Variants in MACROD2 observed in about 807,000 individuals in gnomAD.
MACROD2 encodes ADP-ribose glycohydrolase MACROD2.
MACROD2 carries 36 observed loss-of-function variants against 70.4 expected under a neutral mutation model. The ratio of observed to expected loss-of-function variants is 0.51; its 90% CI spans 0.39 to 0.68. The LOEUF (loss-of-function observed/expected upper bound fraction) is 0.68. Ranked by LOEUF, MACROD2 falls within the 30% of genes least tolerant of loss-of-function variation. The pLI is 0.00. For synonymous variants in MACROD2, 172 were observed against 178.8 expected (o/e 0.96, Z 0.30); for missense variants, 496 against 538.4 (o/e 0.92, Z 0.78).
intron 5 of MACROD2, among the ~76,000 whole-genome samples, chr20:14,830,981 A>T (rs936025065): frequency 6.6e-6 from 1 of 152,116 alleles, no homozygotes; most frequent in Non-Finnish European, 1.5e-5. Flanking sequence ...TTTTCTCTTT[A>T]TGCACGGTGA....
chr20:15,320,814 T>C (rs1170891954), intron 6 of MACROD2, among the ~76,000 whole-genome samples: 1 of 152,080 alleles, frequency 6.6e-6, no homozygotes, highest in Non-Finnish European at 1.5e-5. Flanking sequence ...TGGAAAGTTG[T>C]TATGAGATGG....
intron 5 of MACROD2, among the ~76,000 whole-genome samples, chr20:14,963,699 C>T (rs921787790): frequency 1.3e-5 from 2 of 152,210 alleles, no homozygotes; most frequent in African/African-American, 4.8e-5. Context: ...GATCCTCTTC[C>T]TGCTGAACTA....
chr20:15,510,881 C>T (rs569227005), intron 8 of MACROD2, among the ~76,000 whole-genome samples: 2 of 152,320 alleles, frequency 1.3e-5, no homozygotes, highest in African/African-American at 4.8e-5. Flanking sequence ...CCTTCGAAGT[C>T]CATGACAGAA....
chr20:14,036,252 T>C (rs1173721142), intron 2 of MACROD2, among the ~76,000 whole-genome samples: 2 of 152,222 alleles, frequency 1.3e-5, no homozygotes, highest in Non-Finnish European at 2.9e-5. Context: ...TCTTCCCAAG[T>C]GAGATTTACT....
At chr20:15,704,974 C>T (rs1217681481) in intron 8 of MACROD2, among the ~76,000 whole-genome samples, 24 of 152,114 alleles carry the variant, frequency 1.6e-4, no homozygotes, top group Admixed American at 1.6e-3. Context: ...AATATAGTTC[C>T]CTTTCTGGAG....
intron 5 of MACROD2, among the ~76,000 whole-genome samples, chr20:14,972,659 T>C (rs1179011176): frequency 6.6e-6 from 1 of 152,178 alleles, no homozygotes; most frequent in Non-Finnish European, 1.5e-5. Flanking sequence ...TTAAGAATAT[T>C]TTGTTGAAAT....
chr20:14,870,741 C>G (rs1364052873), intron 5 of MACROD2, among the ~76,000 whole-genome samples: 1 of 151,908 alleles, frequency 6.6e-6, no homozygotes, highest in South Asian at 2.1e-4. Context: ...CATGTGTATG[C>G]TTTCTTTTGA....
intron 5 of MACROD2, among the ~76,000 whole-genome samples, chr20:14,777,301 C>A (rs1190996374): frequency 2.6e-5 from 4 of 151,980 alleles, no homozygotes; most frequent in Non-Finnish European, 5.9e-5. Flanking sequence ...AGGAATCATT[C>A]TTCCTGCATC....
chr20:15,750,308 ACT>A (rs1036693694), intron 8 of MACROD2, among the ~76,000 whole-genome samples: 4 of 151,898 alleles, frequency 2.6e-5, no homozygotes, highest in African/African-American at 9.7e-5. Context: ...ATACCACCTC[ACT>A]CCAGTGAGAA....
At position 15,091,127 on chromosome 20, in the gene MACROD2, A is replaced by C. The variant is rs532663435; in HGVS notation, c.419-138813A>C. The stretch of plus-strand genomic sequence containing the variant: ...GATCCTAGCAATCCGAATTGCAATT[A>C]ATCTGCAGTTATCTACAGTACTAAC... On this transcript the variant is annotated intron_variant, in intron 5 of 17. Transcript: ENST00000684519. 2.0e-5 allele frequency among the ~76,000 whole-genome samples: 3 copies of C among 152,168 alleles called. No individual in the cohort carries two copies. The South Asian group carries it at 6.2e-4, about 32-fold the overall frequency.
intron 3 of MACROD2, among the ~76,000 whole-genome samples, chr20:14,468,962 T>C (rs1374703728): frequency 6.6e-6 from 1 of 152,164 alleles, no homozygotes; most frequent in Non-Finnish European, 1.5e-5. Flanking sequence ...TATGTGTGAA[T>C]TTGATCCTGG....
chr20:15,649,737 C>A (rs775728762), intron 8 of MACROD2, among the ~76,000 whole-genome samples: 3 of 152,058 alleles, frequency 2.0e-5, no homozygotes, highest in Non-Finnish European at 4.4e-5. Flanking sequence ...AGGAGGGGAT[C>A]TTTGGGGAGG....
chr20:14,083,889 G>A (rs1008492227), intron 2 of MACROD2, among the ~76,000 whole-genome samples: 2 of 151,316 alleles, frequency 1.3e-5, no homozygotes, highest in Non-Finnish European at 2.9e-5. Context: ...GACCAACCCC[G>A]TCTCTACTAA....
chr20:15,562,603 T>C (rs375052065), intron 8 of MACROD2, among the ~76,000 whole-genome samples: 1 of 152,158 alleles, frequency 6.6e-6, no homozygotes, highest in African/African-American at 2.4e-5. Context: ...ATAAAGGTGA[T>C]TTGTTCTAAA....
At chr20:15,240,928 G>T (rs1449654694) in intron 6 of MACROD2, among the ~76,000 whole-genome samples, 2 of 152,178 alleles carry the variant, frequency 1.3e-5, no homozygotes, top group African/African-American at 4.8e-5. Context: ...CCTTGTTCTT[G>T]TTCTTTCCAA....
intron 4 of MACROD2, among the ~76,000 whole-genome samples, chr20:14,575,872 CA>C (rs1980566537): frequency 6.6e-6 from 1 of 151,976 alleles, no homozygotes; most frequent in South Asian, 2.1e-4. Context: ...GTAAGATTAC[CA>C]AGACAAATAT....
intron 5 of MACROD2, among the ~76,000 whole-genome samples, chr20:15,194,450 T>C (rs1216847492): frequency 6.6e-6 from 1 of 152,094 alleles, no homozygotes; most frequent in Non-Finnish European, 1.5e-5. Flanking sequence ...TCTTCTACTT[T>C]GAAAACTTCT....
chr20:16,021,180 T>G lies in MACROD2; in HGVS notation c.1154-20021T>G, dbSNP rs574767792. 3.2e-3 allele frequency among the ~76,000 whole-genome samples: 494 copies of G among 152,234 alleles called. 1 individual carries two copies. The highest frequency in any genetic ancestry group is 6.8e-3 in the Middle Eastern group (2 of 294). ...GGGACATGAAAATAAGTAGTATTAT[T>G]CTCCAAAAGTTAAAATAATACCTGT... On this transcript the variant is annotated intron_variant, in intron 15 of 17. Transcript: ENST00000684519.
At position 15,085,067 on chromosome 20, in the gene MACROD2, A is replaced by G. The variant is rs139258102; in HGVS notation, c.419-144873A>G. 3.3e-5 allele frequency among the ~76,000 whole-genome samples: 5 copies of G among 152,274 alleles called. No individual in the cohort carries two copies. The East Asian group carries it at 5.8e-4, about 18-fold the overall frequency. On this transcript the variant is annotated intron_variant, in intron 5 of 17. Coordinates refer to ENST00000684519, the MANE Select transcript of MACROD2 (RefSeq NM_001351661.2). ...TAATATAGAATCAAAATATAAATCA[A>G]TAGAATATAACTGAGACTCCCTGAG... is the stretch of plus-strand genomic sequence containing the variant.
Sources: gnomAD v4.1 joint callset for allele counts (sites outside exome capture counted in the v4.1 genomes callset) on GRCh38, gnomAD v4.1.1 for gene constraint, MANE v1.5 for transcripts, NCBI Gene and HGNC (gene_info 2026-07-23, HGNC 2026-07-21) for gene names.